The following TAFA4 variants were observed in gnomAD, a reference collection of about 807,000 sequenced individuals.
TAFA4 encodes the protein chemokine-like protein TAFA-4.
A neutral mutation model predicts 21.1 loss-of-function variants in TAFA4; 20 were observed. That is an observed-to-expected ratio of 0.95 (90% CI 0.67 to 1.38). The LOEUF is 1.38. Among genes scored for constraint, TAFA4 ranks in the 40% most tolerant of loss-of-function variants. The pLI is 0.00. For synonymous variants in TAFA4, 71 were observed against 67.4 expected (o/e 1.05, Z -0.26); for missense variants, 211 against 180.9 (o/e 1.17, Z -0.95).
intron 3 of TAFA4, among the ~76,000 whole-genome samples, chr3:68,786,022 T>C (rs888146567): frequency 6.6e-6 from 1 of 152,194 alleles, no homozygotes; most frequent in African/African-American, 2.4e-5. Context: ...TGTCCATCAA[T>C]AGGGGACTGG....
At chr3:68,750,205 G>A (rs1702535342) in intron 4 of TAFA4, among the ~76,000 whole-genome samples, 1 of 152,186 alleles carries the variant, frequency 6.6e-6, no homozygotes, top group African/African-American at 2.4e-5. Flanking sequence ...GCAGAGGTAG[G>A]AGGATTGCTT....
chr3:68,866,179 A>G (rs2089414444), intron 3 of TAFA4, among the ~76,000 whole-genome samples: 1 of 152,098 alleles, frequency 6.6e-6, no homozygotes, highest in African/African-American at 2.4e-5. Flanking sequence ...AAAGATGCCA[A>G]ACTAGAGTGG....
intron 3 of TAFA4, among the ~76,000 whole-genome samples, chr3:68,842,899 T>C (rs1419952521): frequency 6.6e-6 from 1 of 152,226 alleles, no homozygotes; most frequent in Admixed American, 6.5e-5. Flanking sequence ...TCTATGTATC[T>C]GCTTTGGTAC....
chr3:68,885,242 C>T lies in TAFA4; in HGVS notation c.-54G>A. 6.4e-7 allele frequency: 1 copy of T among 1,560,086 alleles called. No homozygotes were observed. Among genetic ancestry groups the T allele is most frequent in the Non-Finnish European group, 8.8e-7 (1 of 1,138,186 alleles). ...TTCCAGGATATATTTCAGAGTGACT[C>T]CAAATTCCCATCTGTTGCTAGAACC... is the stretch of plus-strand genomic sequence containing the variant. On this transcript the variant is annotated 5_prime_UTR_variant, in exon 2 of 6. The change creates a premature stop within an existing upstream ORF in the 5' untranslated region. Transcript: ENST00000295569.
chr3:68,839,663 T>C (rs1023876850), intron 3 of TAFA4, among the ~76,000 whole-genome samples: 3 of 152,186 alleles, frequency 2.0e-5, no homozygotes, highest in Admixed American at 6.5e-5. Context: ...CCCTGACATA[T>C]GGCCTGGAGC....
At chr3:68,873,013 T>C (rs2089501299) in intron 3 of TAFA4, among the ~76,000 whole-genome samples, 1 of 152,158 alleles carries the variant, frequency 6.6e-6, no homozygotes. Context: ...TCCCTTTTCA[T>C]AGACAGCATG....
intron 3 of TAFA4, among the ~76,000 whole-genome samples, chr3:68,789,243 A>AAAAT (rs1703320625): frequency 6.6e-6 from 1 of 152,040 alleles, no homozygotes; most frequent in Non-Finnish European, 1.5e-5. Context: ...AAAAAAAAAA[A>AAAAT]AAAATCTTTA....
chr3:68,923,661 A>G (rs1559564782), intron 1 of TAFA4, among the ~76,000 whole-genome samples: 2 of 152,140 alleles, frequency 1.3e-5, no homozygotes, highest in South Asian at 2.1e-4. Context: ...CAATTTCACA[A>G]TGAACATCTG....
chr3:68,798,844 G>A (rs1703509510), intron 3 of TAFA4, among the ~76,000 whole-genome samples: 1 of 151,912 alleles, frequency 6.6e-6, no homozygotes, highest in African/African-American at 2.4e-5. Context: ...GTAAAATTGA[G>A]TCATACAAAA....
chr3:68,880,702 C>T (rs1295029955), intron 3 of TAFA4, 28 bp downstream of exon 3: 3 of 1,576,540 alleles, frequency 1.9e-6, no homozygotes, highest in Non-Finnish European at 2.6e-6. Context: ...ATTATCTCAG[C>T]AGTGCATAAT....
At chr3:68,817,773 G>A (rs1704022089) in intron 3 of TAFA4, among the ~76,000 whole-genome samples, 1 of 151,898 alleles carries the variant, frequency 6.6e-6, no homozygotes, top group African/African-American at 2.4e-5. Context: ...TTTTTTTCTG[G>A]GCAGTAGTTC....
chr3:68,858,508 A>G (rs1705123580), intron 3 of TAFA4, among the ~76,000 whole-genome samples: 1 of 151,882 alleles, frequency 6.6e-6, no homozygotes. Context: ...TGACCAATTG[A>G]AAATTTTTTT....
chr3:68,855,762 C>T (rs1443978089), intron 3 of TAFA4, among the ~76,000 whole-genome samples: 1 of 151,890 alleles, frequency 6.6e-6, no homozygotes, highest in Non-Finnish European at 1.5e-5. Flanking sequence ...ATCCCTTCTC[C>T]CCATCTTCCC....
intron 3 of TAFA4, among the ~76,000 whole-genome samples, chr3:68,755,161 CTATTTA>C (rs1575596428): frequency 6.6e-6 from 1 of 152,334 alleles, no homozygotes; most frequent in African/African-American, 2.4e-5. Flanking sequence ...CAACAACTCT[CTATTTA>C]TATCTCCCAT....
In TAFA4 at chr3:68,932,437, C is replaced by G. The variant is rs2090168001; in HGVS notation, c.-320G>C. 6.6e-6 allele frequency: 1 copy of G among 152,402 alleles called. No individual in the cohort carries two copies. Among genetic ancestry groups the G allele is most frequent in the Admixed American group, 6.5e-5 (1 of 15,292 alleles). 9.4% of individuals were successfully genotyped at this position (152,402 alleles called of 1,614,324 possible). On this transcript the variant is annotated 5_prime_UTR_variant, in exon 1 of 6. Coordinates refer to ENST00000295569, the MANE Select transcript of TAFA4 (RefSeq NM_182522.5). ...AAGCCCGAAGCTCCTGCGGGAGAAGCCTGAAGCTGCTGCTGGAGAAGCGGC... is the reference window on the plus strand; with the variant it reads ...AAGCCCGAAGCTCCTGCGGGAGAAGGCTGAAGCTGCTGCTGGAGAAGCGGC...
chr3:68,846,927 C>CGGA (rs35140751), intron 3 of TAFA4, among the ~76,000 whole-genome samples: 69,549 of 151,424 alleles, frequency 0.46, 16,508 homozygotes, highest in African/African-American at 0.55. Flanking sequence ...AGATGCCAGC[C>CGGA]GCTCTCCTGC....
intron 1 of TAFA4, among the ~76,000 whole-genome samples, chr3:68,886,517 A>C (rs778970123): frequency 2.6e-5 from 4 of 152,194 alleles, no homozygotes; most frequent in African/African-American, 7.2e-5. Flanking sequence ...TGAACTCCCC[A>C]CATATTGGAA....
chr3:68,811,070 G>A (rs1252460381), intron 3 of TAFA4, among the ~76,000 whole-genome samples: 5 of 152,206 alleles, frequency 3.3e-5, no homozygotes, highest in Non-Finnish European at 7.3e-5. Flanking sequence ...AGGGTCTGGA[G>A]TGGACCTCCA....
chr3:68,851,420 G>A (rs1157635877), intron 3 of TAFA4, among the ~76,000 whole-genome samples: 2 of 152,016 alleles, frequency 1.3e-5, no homozygotes, highest in Non-Finnish European at 2.9e-5. Flanking sequence ...TGGGTTGATA[G>A]GTGCAGCAAA....
Sources: gnomAD v4.1 joint callset for allele counts (sites outside exome capture counted in the v4.1 genomes callset) on GRCh38, gnomAD v4.1.1 for gene constraint, MANE v1.5 for transcripts, NCBI Gene and HGNC (gene_info 2026-07-23, HGNC 2026-07-21) for gene names.